MALRD1: variants seen among roughly 807,000 people sequenced by gnomAD.
The protein encoded by MALRD1 is MAM and LDL-receptor class A domain-containing protein 1.
Under a neutral mutation model 242.1 loss-of-function variants are expected in MALRD1, and 247 were observed. That is an observed-to-expected ratio of 1.02 (90% CI 0.92 to 1.13). MALRD1 has a LOEUF of 1.13. Among genes scored for constraint, MALRD1 ranks in the 50% most tolerant of loss-of-function variants. The pLI is 0.00. For synonymous variants in MALRD1, 995 were observed against 866.6 expected (o/e 1.15, Z -2.60); for missense variants, 2,989 against 2,533.1 (o/e 1.18, Z -3.86).
chr10:19,723,687 A>G (rs972484341), intron 38 of MALRD1, among the ~76,000 whole-genome samples: 6 of 151,188 alleles, frequency 4.0e-5, no homozygotes, highest in African/African-American at 1.2e-4. Flanking sequence ...GGCTGCAGTG[A>G]GCTATGATCA....
intron 29 of MALRD1, among the ~76,000 whole-genome samples, chr10:19,470,023 A>T (rs1836417437): frequency 6.6e-6 from 1 of 151,990 alleles, no homozygotes; most frequent in Non-Finnish European, 1.5e-5. Context: ...TGTTATCTGG[A>T]GGCACTATAC....
intron 33 of MALRD1, among the ~76,000 whole-genome samples, chr10:19,571,945 C>G (rs774843082): frequency 4.6e-5 from 7 of 152,132 alleles, no homozygotes; most frequent in East Asian, 3.9e-4. Context: ...AAATGGCAAA[C>G]TCTCAACTTC....
intron 33 of MALRD1, among the ~76,000 whole-genome samples, chr10:19,570,711 A>G (rs1176494759): frequency 6.6e-6 from 1 of 152,084 alleles, no homozygotes; most frequent in Non-Finnish European, 1.5e-5. Flanking sequence ...AAAGTGTGAA[A>G]CCAATTTTAA....
intron 7 of MALRD1, 127 bp from the exon 8 acceptor site, chr10:19,128,094 T>C (rs1466804821): frequency 7.1e-6 from 4 of 562,100 alleles, no homozygotes; most frequent in African/African-American, 1.9e-5. Context: ...GAAAACGCTC[T>C]ATCCTTTTAA....
intron 28 of MALRD1, among the ~76,000 whole-genome samples, chr10:19,395,603 T>C (rs1027639104): frequency 3.3e-5 from 5 of 152,136 alleles, no homozygotes; most frequent in African/African-American, 1.2e-4. Flanking sequence ...ACTTTTCCCT[T>C]TAGCTAAGTG....
chr10:19,196,350 C>A (rs1836246673), intron 14 of MALRD1, among the ~76,000 whole-genome samples: 1 of 152,018 alleles, frequency 6.6e-6, no homozygotes, highest in African/African-American at 2.4e-5. Context: ...TCTTCTGAAT[C>A]TCTTTTTAAC....
At chr10:19,086,264 A>G (rs1403187618) in intron 2 of MALRD1, among the ~76,000 whole-genome samples, 1 of 152,040 alleles carries the variant, frequency 6.6e-6, no homozygotes. Flanking sequence ...TTTACTATTG[A>G]TTCTTTTAAT....
intron 21 of MALRD1, among the ~76,000 whole-genome samples, chr10:19,314,153 AAAG>A (rs778013715): frequency 1.3e-4 from 19 of 151,602 alleles, no homozygotes; most frequent in Admixed American, 5.3e-4. Flanking sequence ...ATATTATAAT[AAAG>A]AAGTTAAAAA....
At chr10:19,604,495 G>T (rs1838514768) in intron 34 of MALRD1, among the ~76,000 whole-genome samples, 1 of 152,154 alleles carries the variant, frequency 6.6e-6, no homozygotes, top group Non-Finnish European at 1.5e-5. Context: ...GATAGCAGAG[G>T]TTGGTTTATG....
intron 19 of MALRD1, among the ~76,000 whole-genome samples, chr10:19,272,308 GA>G (rs1328307691): frequency 6.6e-6 from 1 of 151,810 alleles, no homozygotes; most frequent in Admixed American, 6.6e-5. Flanking sequence ...AAAACAAAAA[GA>G]CATTTCACAG....
intron 36 of MALRD1, among the ~76,000 whole-genome samples, chr10:19,672,027 C>T (rs1001971906): frequency 6.6e-6 from 1 of 151,962 alleles, no homozygotes; most frequent in African/African-American, 2.4e-5. Flanking sequence ...GTCCTTAAAA[C>T]TTATGAGACT....
At chr10:19,496,135 C>A (rs1480455243) in intron 30 of MALRD1, among the ~76,000 whole-genome samples, 1 of 152,112 alleles carries the variant, frequency 6.6e-6, no homozygotes, top group Non-Finnish European at 1.5e-5. Flanking sequence ...GACTTCAACA[C>A]CCCACTGACA....
At chr10:19,132,720 T>A (rs567026040) in intron 8 of MALRD1, among the ~76,000 whole-genome samples, 16 of 152,306 alleles carry the variant, frequency 1.1e-4, no homozygotes, top group African/African-American at 3.6e-4. Flanking sequence ...ATGTCAATCT[T>A]CACATTTTTA....
At chr10:19,449,949 T>A (rs2096503145) in intron 28 of MALRD1, among the ~76,000 whole-genome samples, 1 of 152,154 alleles carries the variant, frequency 6.6e-6, no homozygotes, top group African/African-American at 2.4e-5. Context: ...AACTGGTGCA[T>A]GATGGGTAAA....
chr10:19,556,047 A>T (rs975102570), intron 32 of MALRD1, among the ~76,000 whole-genome samples: 2 of 152,174 alleles, frequency 1.3e-5, no homozygotes, highest in South Asian at 4.1e-4. Flanking sequence ...GGAAATAAGG[A>T]AAATTCTCTC....
chr10:19,689,712 A>G (rs1413302140), intron 36 of MALRD1, among the ~76,000 whole-genome samples: 3 of 152,116 alleles, frequency 2.0e-5, no homozygotes, highest in Non-Finnish European at 4.4e-5. Context: ...TTTCTTCTCA[A>G]AGTTATCCAT....
intron 28 of MALRD1, among the ~76,000 whole-genome samples, chr10:19,441,826 G>A (rs910451211): frequency 9.2e-5 from 14 of 151,464 alleles, no homozygotes; most frequent in African/African-American, 3.4e-4. Context: ...CTCTTTTTTG[G>A]TTCCATATGA....
rs545296763 is a variant in MALRD1 at position 19,176,896 on chromosome 10, G to T, written c.1951+1568G>T. Among the ~76,000 whole-genome samples the T allele has an allele frequency of 2.9e-4, 44 of 152,120 alleles. 1 individual carries two copies. The South Asian group carries it at 6.6e-3, about 23-fold the overall frequency. On this transcript the variant is annotated intron_variant, in intron 14 of 39. Transcript: ENST00000454679. ...TGTGTGTGTGTGTGTGTGCATGGGT[G>T]TGTGCATGCGTGTCTGTGCACATGT...
chr10:19,137,328 G>A (rs1180288526), intron 10 of MALRD1, among the ~76,000 whole-genome samples: 2 of 151,836 alleles, frequency 1.3e-5, no homozygotes, highest in Non-Finnish European at 2.9e-5. Flanking sequence ...TCAGCCAGCC[G>A]GGTGCAATGG....
Sources: gnomAD v4.1 joint callset for allele counts (sites outside exome capture counted in the v4.1 genomes callset) on GRCh38, gnomAD v4.1.1 for gene constraint, MANE v1.5 for transcripts, NCBI Gene and HGNC (gene_info 2026-07-23, HGNC 2026-07-21) for gene names.